Variants in PDZD2 observed in about 807,000 individuals in gnomAD.
The protein encoded by PDZD2 is PDZ domain containing 2.
In PDZD2, 90 loss-of-function variants were observed where a neutral mutation model predicts 220.7. That is an observed-to-expected ratio of 0.41 (90% CI 0.34 to 0.49). The LOEUF is 0.49. Among genes scored for constraint, PDZD2 ranks in the 20% least tolerant of loss-of-function variants. The pLI, the probability that PDZD2 is intolerant of heterozygous loss-of-function variation, is 0.28. For missense variants in PDZD2, 3,174 were observed against 3,608.5 expected (o/e 0.88, Z 3.08); for synonymous variants, 1,375 against 1,450.5 (o/e 0.95, Z 1.18).
At chr5:31,796,670 C>T (rs1249958415) in intron 1 of PDZD2, among the ~76,000 whole-genome samples, 1 of 152,072 alleles carries the variant, frequency 6.6e-6, no homozygotes, top group Non-Finnish European at 1.5e-5. Context: ...CACTAATTTC[C>T]GTTTATTTAT....
At chr5:31,832,305 AG>A (rs1445486566) in intron 2 of PDZD2, 1 of 32,260 alleles carries the variant, frequency 3.1e-5, no homozygotes, top group Non-Finnish European at 7.1e-5. Flanking sequence ...GTAAAGTTTC[AG>A]CCTGGTGTGA....
At chr5:31,855,228 G>T in intron 2 of PDZD2, 1 of 530,564 alleles carries the variant, frequency 1.9e-6, no homozygotes, top group Non-Finnish European at 2.4e-6. Flanking sequence ...CAGGTCGGGT[G>T]CAGACTGGGG....
At chr5:31,988,453 ATCACCCTCCTGGCATGTGGATGTAT>A (rs1333186832) in intron 3 of PDZD2, among the ~76,000 whole-genome samples, 5,773 of 149,242 alleles carry the variant, frequency 0.039, 324 homozygotes, top group African/African-American at 0.13. Context: ...GGGGGGGTGC[ATCACCCTCCTGGCATGTGGATGTAT>A]TCACCCTCCT....
Position 32,089,873 on chromosome 5 carries a change from G to C in PDZD2, c.6425G>C (p.Ser2142Thr). 1 of 1,613,174 alleles carries C rather than the reference G, an allele frequency of 6.2e-7. No individual in the cohort carries two copies. Among genetic ancestry groups the C allele is most frequent in the South Asian group, 1.1e-5 (1 of 91,018 alleles). Residue 2142 changes from serine (S) to threonine (T), a missense_variant, in exon 20 of 25, where the codon AGT becomes ACT. This residue lies in a region of PDZD2 where 1,861 missense variants were observed against 2,001.0 expected (regional missense o/e 0.93). Transcript: ENST00000438447. ...LYRQVAESSTSHPSSLPSHAS... is the reference protein window; with the variant it reads ...LYRQVAESSTTHPSSLPSHAS... ...CGCCAGGTCGCAGAATCATCCACAAGTCATCCATCCTCACTCCCATCTCAT... is the reference window on the plus strand; with the variant it reads ...CGCCAGGTCGCAGAATCATCCACAACTCATCCATCCTCACTCCCATCTCAT...
rs1044435883 is a variant in PDZD2 at position 32,075,677 on chromosome 5, A to AAAG, written c.3537+1035_3537+1036insAGA. Among the ~76,000 whole-genome samples, 211 of 152,344 alleles carry AAAG rather than the reference A, an allele frequency of 1.4e-3. 1 individual carries two copies. Among genetic ancestry groups the AAAG allele is most frequent in the African/African-American group, 4.9e-3 (202 of 41,572 alleles). Reference sequence around the variant, plus strand: ...ACTTTATCAAGGAGACAGTACGAGAAATCAATGTTGTTTATAATCTCCTTA... The same window carrying AAAG: ...ACTTTATCAAGGAGACAGTACGAGAAAAGATCAATGTTGTTTATAATCTCCTTA... On this transcript the variant is annotated intron_variant, in intron 18 of 24. Coordinates refer to ENST00000438447, the MANE Select transcript of PDZD2 (RefSeq NM_178140.4).
chr5:31,871,324 G>T (rs1021279125), intron 2 of PDZD2, among the ~76,000 whole-genome samples: 7 of 152,170 alleles, frequency 4.6e-5, no homozygotes, highest in Non-Finnish European at 1.0e-4. Context: ...ATTTGGAATA[G>T]CCTTTTGATC....
In PDZD2 at chr5:31,923,483, T is replaced by G. The variant is rs912965643; in HGVS notation, c.477-59672T>G. ...TGATTTACCTGGGATTTAAGAGGGG[T>G]GCAGATCCTGGAATGTCTGAACCAA... On this transcript the variant is annotated intron_variant, in intron 2 of 24. Transcript: ENST00000438447. 1.0e-5 allele frequency: 10 copies of G among 966,596 alleles called. No homozygotes were observed. In the African/African-American group the frequency reaches 1.6e-4, roughly 16 times the overall value. 59.9% of individuals were successfully genotyped at this position (966,596 alleles called of 1,614,324 possible). A position where few individuals can be genotyped will look rare whatever the true frequency, so the allele number is the denominator to read the frequency against.
At chr5:31,901,279 G>T (rs551571808) in intron 2 of PDZD2, among the ~76,000 whole-genome samples, 8 of 152,110 alleles carry the variant, frequency 5.3e-5, no homozygotes, top group Admixed American at 5.2e-4. Context: ...TTAGCCAGGC[G>T]TGGTGGCATG....
At chr5:31,700,243 G>T (rs776000172) in intron 1 of PDZD2, among the ~76,000 whole-genome samples, 2 of 152,162 alleles carry the variant, frequency 1.3e-5, no homozygotes, top group Non-Finnish European at 2.9e-5. Flanking sequence ...AGATGATAAT[G>T]CCTGATTTCG....
At chr5:31,989,245 AC>A (rs1405697914) in intron 3 of PDZD2, among the ~76,000 whole-genome samples, 1 of 151,896 alleles carries the variant, frequency 6.6e-6, no homozygotes, top group Non-Finnish European at 1.5e-5. Flanking sequence ...CTCTGCACGG[AC>A]AGCCATTGTT....
intron 1 of PDZD2, among the ~76,000 whole-genome samples, chr5:31,681,439 G>A (rs1746646452): frequency 6.6e-6 from 1 of 152,034 alleles, no homozygotes; most frequent in African/African-American, 2.4e-5. Context: ...GTAGAGACGA[G>A]GTTTCGCCAT....
intron 16 of PDZD2, among the ~76,000 whole-genome samples, chr5:32,071,888 A>C (rs1740785684): frequency 6.6e-6 from 1 of 152,156 alleles, no homozygotes; most frequent in Non-Finnish European, 1.5e-5. Context: ...GGGATGGCTG[A>C]TGTGTTGCTG....
intron 2 of PDZD2, among the ~76,000 whole-genome samples, chr5:31,830,203 C>A (rs1023295777): frequency 2.7e-5 from 4 of 150,192 alleles, no homozygotes; most frequent in Non-Finnish European, 5.9e-5. Flanking sequence ...TTTCGCTCTG[C>A]CGCCCAGGCT....
chr5:31,806,995 C>T (rs1162076762), intron 2 of PDZD2, among the ~76,000 whole-genome samples: 3 of 146,926 alleles, frequency 2.0e-5, no homozygotes, highest in African/African-American at 7.6e-5. Flanking sequence ...AGTGCAACGG[C>T]GCGATCTCGA....
chr5:31,775,820 C>T (rs1040257067), intron 1 of PDZD2, among the ~76,000 whole-genome samples: 1 of 152,056 alleles, frequency 6.6e-6, no homozygotes, highest in African/African-American at 2.4e-5. Flanking sequence ...AGGTCTCCCA[C>T]ACTGGGCTTT....
chr5:31,673,043 G>A (rs747900460), intron 1 of PDZD2, among the ~76,000 whole-genome samples: 33 of 152,144 alleles, frequency 2.2e-4, no homozygotes, highest in African/African-American at 7.2e-4. Context: ...GAGATACTAC[G>A]GGGAAAGAAA....
intron 1 of PDZD2, among the ~76,000 whole-genome samples, chr5:31,746,550 C>G (rs550118038): frequency 6.6e-6 from 1 of 152,260 alleles, no homozygotes; most frequent in African/African-American, 2.4e-5. Flanking sequence ...GCACGGTGAC[C>G]AGTGATTTTT....
intron 1 of PDZD2, among the ~76,000 whole-genome samples, chr5:31,766,404 GTGT>G (rs1752012371): frequency 2.0e-5 from 3 of 152,008 alleles, no homozygotes. Context: ...TTTTGAGATG[GTGT>G]CTCACTCTGC....
At chr5:32,078,467 TAAAAAGACAA>T (rs1286651897) in intron 19 of PDZD2, among the ~76,000 whole-genome samples, 2 of 151,530 alleles carry the variant, frequency 1.3e-5, no homozygotes, top group African/African-American at 4.9e-5. Flanking sequence ...CCATCTCTAC[TAAAAAGACAA>T]AAAAATTAGC....
Sources: gnomAD v4.1 joint callset for allele counts (sites outside exome capture counted in the v4.1 genomes callset) on GRCh38, gnomAD v4.1.1 for gene constraint, gnomAD v4.1.1 regional missense constraint, MANE v1.5 for transcripts, NCBI Gene and HGNC (gene_info 2026-07-23, HGNC 2026-07-21) for gene names.